CCSER1: variants seen among roughly 807,000 people sequenced by gnomAD.
The protein encoded by CCSER1 is coiled-coil serine rich protein 1, also known as serine-rich coiled-coil domain-containing protein 1.
CCSER1 carries 41 observed loss-of-function variants against 82.0 expected under a neutral mutation model. The observed-to-expected ratio is 0.50, with a 90% CI of 0.39 to 0.65. CCSER1 has a LOEUF of 0.65. CCSER1 is among the 30% of genes least tolerant of loss of function. CCSER1 has a pLI of 0.00. For missense variants in CCSER1, 1,119 were observed against 1,064.2 expected, an observed-to-expected ratio of 1.05 and a Z score of -0.72; for synonymous variants, 414 against 383.9, an observed-to-expected ratio of 1.08 and a Z score of -0.92.
chr4:90,303,190 T>A (rs1733516735), intron 1 of CCSER1, among the ~76,000 whole-genome samples: 1 of 152,206 alleles, frequency 6.6e-6, no homozygotes, highest in African/African-American at 2.4e-5. Flanking sequence ...CTGACCTAAA[T>A]AGATTATTTG....
chr4:90,716,150 A>G (rs2149345437), intron 6 of CCSER1, among the ~76,000 whole-genome samples: 1 of 151,912 alleles, frequency 6.6e-6, no homozygotes, highest in East Asian at 1.9e-4. Flanking sequence ...CATCTGTAGA[A>G]GGTTATATAA....
chr4:90,485,582 G>A (rs907497002), intron 5 of CCSER1, among the ~76,000 whole-genome samples: 6 of 151,046 alleles, frequency 4.0e-5, no homozygotes, highest in African/African-American at 1.5e-4. Flanking sequence ...TTGTTATGTA[G>A]GTAAACATAT....
intron 1 of CCSER1, among the ~76,000 whole-genome samples, chr4:90,138,183 G>A (rs759274251): frequency 1.1e-4 from 17 of 152,108 alleles, no homozygotes; most frequent in Admixed American, 2.6e-4. Context: ...TAAGAGTGAC[G>A]TGGATTTCTT....
intron 7 of CCSER1, among the ~76,000 whole-genome samples, chr4:90,779,715 A>AT (rs1753488996): frequency 6.6e-6 from 1 of 152,080 alleles, no homozygotes; most frequent in Non-Finnish European, 1.5e-5. Context: ...AATACCTGAT[A>AT]TTTTTTTGAA....
At chr4:90,877,338 A>G (rs949375353) in intron 8 of CCSER1, among the ~76,000 whole-genome samples, 3 of 152,108 alleles carry the variant, frequency 2.0e-5, no homozygotes, top group Admixed American at 6.6e-5. Context: ...GATTTGAATA[A>G]CAATAGTAAT....
At chr4:90,772,451 C>T (rs777498380) in intron 7 of CCSER1, among the ~76,000 whole-genome samples, 2 of 152,060 alleles carry the variant, frequency 1.3e-5, no homozygotes, top group Non-Finnish European at 2.9e-5. Context: ...TAAAATTTCT[C>T]ACAGAAAATG....
At chr4:90,399,198 C>A (rs1752451716) in intron 3 of CCSER1, among the ~76,000 whole-genome samples, 1 of 151,954 alleles carries the variant, frequency 6.6e-6, no homozygotes, top group South Asian at 2.1e-4. Context: ...GACTTTATTC[C>A]TTCTTCAGCA....
chr4:90,238,196 A>G (rs1400061124), intron 1 of CCSER1, among the ~76,000 whole-genome samples: 1 of 152,170 alleles, frequency 6.6e-6, no homozygotes, highest in Non-Finnish European at 1.5e-5. Flanking sequence ...CTTGTACCTT[A>G]TATAACTTCA....
chr4:91,136,828 A>G (rs1156574622), intron 10 of CCSER1, among the ~76,000 whole-genome samples: 1 of 152,126 alleles, frequency 6.6e-6, no homozygotes, highest in African/African-American at 2.4e-5. Flanking sequence ...AACTTATACA[A>G]TATGAGAAAA....
intron 6 of CCSER1, 105 bp downstream of exon 6, chr4:90,628,337 G>T: frequency 1.2e-6 from 1 of 830,796 alleles, no homozygotes; most frequent in South Asian, 1.7e-5. Flanking sequence ...ATGACATTGG[G>T]CAGGGGTCAG....
intron 5 of CCSER1, among the ~76,000 whole-genome samples, chr4:90,486,474 T>A (rs1483241648): frequency 6.6e-6 from 1 of 152,218 alleles, no homozygotes; most frequent in African/African-American, 2.4e-5. Context: ...CAAGTAGTGG[T>A]GGTTGTCTAC....
intron 3 of CCSER1, among the ~76,000 whole-genome samples, chr4:90,350,147 G>T (rs1743164102): frequency 6.6e-6 from 1 of 152,114 alleles, no homozygotes; most frequent in Non-Finnish European, 1.5e-5. Flanking sequence ...AAAAATACAT[G>T]CTAGAGGGAT....
At chr4:90,149,500 C>G (rs1726411905) in intron 1 of CCSER1, among the ~76,000 whole-genome samples, 1 of 152,072 alleles carries the variant, frequency 6.6e-6, no homozygotes, top group African/African-American at 2.4e-5. Flanking sequence ...GGAAATTACT[C>G]AAATCAGGTG....
intron 5 of CCSER1, among the ~76,000 whole-genome samples, chr4:90,480,486 T>A (rs1162579013): frequency 2.0e-5 from 3 of 152,216 alleles, no homozygotes; most frequent in Non-Finnish European, 1.5e-5. Context: ...GCCTAGGTTT[T>A]CTTCTAGGGT....
intron 10 of CCSER1, among the ~76,000 whole-genome samples, chr4:91,563,258 G>T (rs990728543): frequency 2.0e-5 from 3 of 151,646 alleles, no homozygotes; most frequent in Non-Finnish European, 4.4e-5. Flanking sequence ...TGATAAAATA[G>T]ATGCAAGTAT....
chr4:90,960,480 T>C (rs1272732763), intron 9 of CCSER1, among the ~76,000 whole-genome samples: 2 of 152,180 alleles, frequency 1.3e-5, no homozygotes, highest in Non-Finnish European at 2.9e-5. Flanking sequence ...GCTTCTTACC[T>C]GAAACCTCAA....
At chr4:90,139,797 C>T (rs954023469) in intron 1 of CCSER1, among the ~76,000 whole-genome samples, 4 of 151,930 alleles carry the variant, frequency 2.6e-5, no homozygotes, top group African/African-American at 7.3e-5. Flanking sequence ...ACTAAACAAA[C>T]AAACAAACAA....
At chr4:90,220,118 T>C (rs189548806) in intron 1 of CCSER1, among the ~76,000 whole-genome samples, 3 of 152,146 alleles carry the variant, frequency 2.0e-5, no homozygotes, top group Non-Finnish European at 4.4e-5. Context: ...TACAGTATGT[T>C]GTTATAAAAT....
At chr4:90,458,675 G>A (rs996223081) in intron 4 of CCSER1, among the ~76,000 whole-genome samples, 1 of 152,092 alleles carries the variant, frequency 6.6e-6, no homozygotes, top group African/African-American at 2.4e-5. Context: ...AAGTTTTAAT[G>A]GTCCTGCCAA....
Sources: allele counts gnomAD v4.1 joint callset (sites outside exome capture counted in the v4.1 genomes callset), GRCh38; gene constraint gnomAD v4.1.1; transcripts MANE v1.5; gene names NCBI Gene and HGNC (gene_info 2026-07-23, HGNC 2026-07-21).